Variants in ARFGEF1 observed in about 807,000 individuals in gnomAD.
ARFGEF1 encodes brefeldin A-inhibited guanine nucleotide-exchange protein 1.
In ARFGEF1, 42 loss-of-function variants were observed where a neutral mutation model predicts 231.0. The ratio of observed to expected loss-of-function variants is 0.18; its 90% CI spans 0.14 to 0.24. The LOEUF is 0.24. ARFGEF1 is among the 10% of genes least tolerant of loss of function. The pLI is 1.00. For synonymous variants in ARFGEF1, 710 were observed against 732.3 expected (o/e 0.97, Z 0.49); for missense variants, 1,345 against 2,192.0 (o/e 0.61, Z 7.72).
intron 5 of ARFGEF1, among the ~76,000 whole-genome samples, chr8:67,186,886 T>G (rs1480189936): frequency 1.3e-5 from 2 of 152,166 alleles, no homozygotes; most frequent in Admixed American, 6.5e-5. Context: ...AATGTACAAG[T>G]GAAATTTGAA....
chr8:67,207,036 C>T (rs1348681731), intron 34 of ARFGEF1: 1 of 152,110 alleles, frequency 6.6e-6, no homozygotes, highest in Non-Finnish European at 1.5e-5. Context: ...AAATGCTATT[C>T]TATTTAACGT....
At chr8:67,241,904 G>A (rs1024531768) in intron 19 of ARFGEF1, among the ~76,000 whole-genome samples, 6 of 152,144 alleles carry the variant, frequency 3.9e-5, no homozygotes, top group Non-Finnish European at 8.8e-5. Context: ...GTGTACTTGG[G>A]AGAGGGACAG....
chr8:67,280,578 C>G (rs1019865570), intron 7 of ARFGEF1, among the ~76,000 whole-genome samples: 4 of 152,180 alleles, frequency 2.6e-5, no homozygotes, highest in Non-Finnish European at 5.9e-5. Flanking sequence ...GTGTGAAGAT[C>G]TTCCTCAGTG....
intron 1 of ARFGEF1, among the ~76,000 whole-genome samples, chr8:67,323,725 C>T (rs1421117273): frequency 6.6e-6 from 1 of 152,152 alleles, no homozygotes; most frequent in Non-Finnish European, 1.5e-5. Context: ...AGGTTCAAAC[C>T]CTTACTTCTT....
At chr8:67,311,456 A>G (rs1807050500) in intron 1 of ARFGEF1, among the ~76,000 whole-genome samples, 2 of 113,890 alleles carry the variant, frequency 1.8e-5, no homozygotes, top group East Asian at 3.1e-4. Context: ...CCCATCAGGG[A>G]GGGAGGTGGG....
chr8:67,212,211 C>G (rs1048322058), intron 33 of ARFGEF1, among the ~76,000 whole-genome samples: 4 of 152,060 alleles, frequency 2.6e-5, no homozygotes, highest in Non-Finnish European at 4.4e-5. Context: ...GCCTCCCCAG[C>G]AGCTGGGATT....
intron 5 of ARFGEF1, among the ~76,000 whole-genome samples, chr8:67,187,527 T>A (rs1835007306): frequency 6.6e-6 from 1 of 151,530 alleles, no homozygotes; most frequent in South Asian, 2.1e-4. Context: ...ACAAAAAAAA[T>A]ATTTTAAATT....
chr8:67,336,926 C>T (rs1206285183), intron 1 of ARFGEF1, among the ~76,000 whole-genome samples: 1 of 151,960 alleles, frequency 6.6e-6, no homozygotes, highest in Non-Finnish European at 1.5e-5. Flanking sequence ...GTCAGGAGAT[C>T]GAGACCATCC....
rs150286262 is a variant in ARFGEF1, at chr8:67,218,112, G to A, written c.4365C>T (p.Cys1455=). 618 of 1,516,212 alleles carry A rather than the reference G, an allele frequency of 4.1e-4. 3 individuals carry two copies. In the African/African-American group the frequency reaches 7.6e-3, roughly 19 times the overall value. The allele number at this position is 1,516,212 out of a possible 1,614,324, so 93.9% of individuals were successfully genotyped here. A position where few individuals can be genotyped will look rare whatever the true frequency, so the allele number is the denominator to read the frequency against. Residue 1455 remains cysteine (C), a synonymous_variant, in exon 31 of 39, where the codon TGC becomes TGT. Transcript: ENST00000262215. ...TEKAEWMTTT[C]NHALYAICDV... ...CACAGATTGCATAAAGTGCATGATT[G>A]CAAGTTGTTGTCATCCATTCAGCTT...
chr8:67,339,883 T>A (rs1009568666), intron 1 of ARFGEF1, among the ~76,000 whole-genome samples: 3 of 149,638 alleles, frequency 2.0e-5, no homozygotes, highest in African/African-American at 7.4e-5. Flanking sequence ...TTACATTAAC[T>A]CTGCATCCCT....
Position 67,200,513 on chromosome 8 carries a change from A to G in ARFGEF1, c.5268T>C (p.Asn1756=). The change falls in exon 38 of 39, where the codon AAT becomes AAC. Residue 1756 remains asparagine (N), a splice_region_variant and synonymous_variant. Transcript: ENST00000262215. ...AWEEVQQRLL[N]VCSEALSYFL... ...AGTAACTTAGTGCTTCACTGCAGAC[A>G]CTGCAAAAGAAAAGGTTTCCTTTAA... 4 of 1,556,024 alleles carry G rather than the reference A, an allele frequency of 2.6e-6. No homozygotes were observed. Among genetic ancestry groups the G allele is most frequent in the South Asian group, 1.1e-5 (1 of 89,788 alleles).
chr8:67,299,410 A>G, intron 3 of ARFGEF1, 55 bp from the exon 4 acceptor site: 2 of 1,458,660 alleles, frequency 1.4e-6, no homozygotes, highest in Non-Finnish European at 1.9e-6. Flanking sequence ...TATTATACAT[A>G]CTAATGCAAT....
rs745486897 is a variant in ARFGEF1, at chr8:67,266,200, T to C, written c.1929A>G (p.Glu643=). The C allele has an allele frequency of 1.9e-6, 3 of 1,613,254 alleles. No individual in the cohort carries two copies. The highest frequency in any genetic ancestry group is 2.5e-6 in the Non-Finnish European group (3 of 1,179,542). ...NPNSQTTLGQ[E]KPSEQEMSEI... ...CACTCATCTCTTGCTCTGAGGGTTT[T>C]TCCTGACCTGAAAGAAGAAAAATTG... The change falls in exon 14 of 39, where the codon GAA becomes GAG. Residue 643 remains glutamate, a synonymous_variant. Transcript: ENST00000262215.
In ARFGEF1 at chr8:67,301,344, G is replaced by A; in HGVS notation, c.192C>T (p.Thr64=). The A allele has an allele frequency of 6.2e-7, 1 of 1,613,858 alleles. No homozygotes were observed. ...PHGEAKAGSS[T]LPPVKSKTNF... is the part of the protein sequence containing the mutation. ...TTGTCTTTGATTTCACTGGTGGAAG[G>A]GTGCTTGATCCAGCTTTTGCTTCTC... The change falls in exon 3 of 39, where the codon ACC becomes ACT. Residue 64 remains threonine, a synonymous_variant. Coordinates refer to ENST00000262215, the MANE Select transcript of ARFGEF1 (RefSeq NM_006421.5).
rs368544655 is a variant in ARFGEF1 at position 67,200,349 on chromosome 8, C to A, written c.5385+47G>T. The A allele has an allele frequency of 1.2e-4, 166 of 1,377,624 alleles. 1 individual carries two copies. The highest frequency in any genetic ancestry group is 2.5e-4 in the Admixed American group (15 of 59,544). 85.3% of individuals were successfully genotyped at this position (1,377,624 alleles called of 1,614,324 possible). A position where few individuals can be genotyped will look rare whatever the true frequency, so the allele number is the denominator to read the frequency against. Reference sequence around the variant, plus strand: ...GGCTCTGGGACCCCGCATCCCAATGCGAATTGGGCTAGAAATGTGGGGCTG... The same window carrying A: ...GGCTCTGGGACCCCGCATCCCAATGAGAATTGGGCTAGAAATGTGGGGCTG... On this transcript the variant is annotated intron_variant, in intron 38 of 38. Coordinates refer to ENST00000262215, the MANE Select transcript of ARFGEF1 (RefSeq NM_006421.5).
At chr8:67,254,241 A>T (rs542775650) in intron 17 of ARFGEF1, among the ~76,000 whole-genome samples, 1 of 152,336 alleles carries the variant, frequency 6.6e-6, no homozygotes, top group South Asian at 2.1e-4. Flanking sequence ...GGAGTCTGTA[A>T]GACGGTAACC....
intron 34 of ARFGEF1, among the ~76,000 whole-genome samples, chr8:67,207,634 T>C (rs1838569042): frequency 6.6e-6 from 1 of 152,238 alleles, no homozygotes; most frequent in Admixed American, 6.5e-5. Flanking sequence ...CTACAGGTAC[T>C]GAATCAACTC....
chr8:67,272,500 A>G lies in ARFGEF1; in HGVS notation c.1338-564T>C, dbSNP rs570958115. 2.0e-5 allele frequency among the ~76,000 whole-genome samples: 3 copies of G among 152,280 alleles called. No homozygotes were observed. The East Asian group carries it at 5.8e-4, about 29-fold the overall frequency. On this transcript the variant is annotated intron_variant, in intron 9 of 38. Coordinates refer to ENST00000262215, the MANE Select transcript of ARFGEF1 (RefSeq NM_006421.5). ...TTTAAAAAGAAAAAAAAAATTCACAAATATTTAACATCAACGTATTGTTTC... is the reference window on the plus strand; with the variant it reads ...TTTAAAAAGAAAAAAAAAATTCACAGATATTTAACATCAACGTATTGTTTC...
chr8:67,225,665 T>A (rs1839348872), intron 28 of ARFGEF1, among the ~76,000 whole-genome samples: 3 of 152,272 alleles, frequency 2.0e-5, no homozygotes, highest in East Asian at 3.9e-4. Flanking sequence ...AAACACAGGC[T>A]GGGGCTCAAA....
Sources: gnomAD v4.1 joint callset for allele counts (sites outside exome capture counted in the v4.1 genomes callset) on GRCh38, gnomAD v4.1.1 for gene constraint, MANE v1.5 for transcripts, NCBI Gene and HGNC (gene_info 2026-07-23, HGNC 2026-07-21) for gene names.